TMEM132D: variants seen among roughly 807,000 people sequenced by gnomAD.
TMEM132D encodes transmembrane protein 132D.
A neutral mutation model predicts 62.3 loss-of-function variants in TMEM132D; 21 were observed. That is an observed-to-expected ratio of 0.34 (90% CI 0.24 to 0.49). The LOEUF is 0.49. Among genes scored for constraint, TMEM132D ranks in the 20% least tolerant of loss-of-function variants. TMEM132D has a pLI of 0.99. For synonymous variants in TMEM132D, 621 were observed against 575.6 expected (o/e 1.08, Z -1.13); for missense variants, 1,346 against 1,402.8 (o/e 0.96, Z 0.65).
chr12:129,133,345 A>C (rs1593271834), intron 5 of TMEM132D, among the ~76,000 whole-genome samples: 2 of 152,362 alleles, frequency 1.3e-5, no homozygotes, highest in South Asian at 2.1e-4. Context: ...CTGAGATCAA[A>C]TGTCCATCAG....
intron 2 of TMEM132D, among the ~76,000 whole-genome samples, chr12:129,662,484 T>C (rs1196573921): frequency 6.6e-6 from 1 of 152,160 alleles, no homozygotes; most frequent in African/African-American, 2.4e-5. Context: ...TCATCTGTCC[T>C]AATAATGCAG....
chr12:129,239,976 T>C (rs1879893042), intron 4 of TMEM132D, among the ~76,000 whole-genome samples: 1 of 152,228 alleles, frequency 6.6e-6, no homozygotes, highest in Non-Finnish European at 1.5e-5. Flanking sequence ...AAAAGTGTTC[T>C]TCTCTTTGCA....
intron 1 of TMEM132D, among the ~76,000 whole-genome samples, chr12:129,742,541 A>C (rs1869642646): frequency 6.6e-6 from 1 of 152,242 alleles, no homozygotes; most frequent in Non-Finnish European, 1.5e-5. Context: ...ATGAGATTAA[A>C]GTACACACAT....
chr12:129,192,399 T>C (rs1878429446), intron 5 of TMEM132D, among the ~76,000 whole-genome samples: 1 of 152,226 alleles, frequency 6.6e-6, no homozygotes, highest in South Asian at 2.1e-4. Context: ...CACACACTCA[T>C]TATGTGATAC....
chr12:129,729,105 T>A (rs1203648874), intron 1 of TMEM132D, among the ~76,000 whole-genome samples: 1 of 152,172 alleles, frequency 6.6e-6, no homozygotes, highest in Non-Finnish European at 1.5e-5. Flanking sequence ...ATTGCAAAAA[T>A]CAACAGAATA....
chr12:129,337,573 G>GCGC, intron 4 of TMEM132D, 61 bp downstream of exon 4: 2 of 1,601,058 alleles, frequency 1.2e-6, no homozygotes, highest in Non-Finnish European at 1.7e-6. Flanking sequence ...ACTCAGTGCG[G>GCGC]CGCCGGCGCC....
chr12:129,834,477 A>G (rs1190203041), intron 1 of TMEM132D, among the ~76,000 whole-genome samples: 2 of 143,110 alleles, frequency 1.4e-5, no homozygotes, highest in Non-Finnish European at 3.0e-5. Flanking sequence ...TCTCCCATAC[A>G]GTTTTCCTTC....
chr12:129,516,176 G>A (rs1397361406), intron 3 of TMEM132D, among the ~76,000 whole-genome samples: 1 of 152,122 alleles, frequency 6.6e-6, no homozygotes, highest in Non-Finnish European at 1.5e-5. Context: ...GCATGGACTT[G>A]GACTCAGACC....
chr12:129,075,309 G>C lies in TMEM132D; in HGVS notation c.2116-250C>G, dbSNP rs189070243. Among the ~76,000 whole-genome samples the C allele has an allele frequency of 4.3e-3, 636 of 148,508 alleles. 2 individuals are homozygous for C. The highest frequency in any genetic ancestry group is 0.015 in the African/African-American group (596 of 39,836). On this transcript the variant is annotated intron_variant, in intron 8 of 8. Coordinates refer to ENST00000422113, the MANE Select transcript of TMEM132D (RefSeq NM_133448.3). ...AGGGCCAGTATTAAACAATCCGTAA[G>C]AAGATTTGCTTTTTTTTTTTTTCTC...
chr12:129,747,369 T>A (rs987427534), intron 1 of TMEM132D, among the ~76,000 whole-genome samples: 5 of 151,936 alleles, frequency 3.3e-5, no homozygotes, highest in Non-Finnish European at 7.4e-5. Flanking sequence ...AGTTTCTCAC[T>A]TTTACACATT....
chr12:129,863,906 A>G (rs549650353), intron 1 of TMEM132D, among the ~76,000 whole-genome samples: 1 of 152,202 alleles, frequency 6.6e-6, no homozygotes, highest in Non-Finnish European at 1.5e-5. Flanking sequence ...TCTAACAGCA[A>G]TGATAAGTTT....
intron 3 of TMEM132D, among the ~76,000 whole-genome samples, chr12:129,381,075 C>T (rs988873665): frequency 1.3e-5 from 2 of 152,064 alleles, no homozygotes; most frequent in African/African-American, 4.8e-5. Context: ...AACTTTGATA[C>T]AAATCATTCC....
rs142335888 is a variant in TMEM132D at position 129,454,160 on chromosome 12, A to G, written c.1115+76899T>C. 1.3e-3 allele frequency among the ~76,000 whole-genome samples: 200 copies of G among 152,328 alleles called. 1 individual carries two copies. Among genetic ancestry groups the G allele is most frequent in the African/African-American group, 4.6e-3 (191 of 41,572 alleles). Reference sequence around the variant, plus strand: ...TCCCATTGAACTTTGTTTCCTACCGAGTGCTAAGCAGAGTGCACTGAATAC... The same window carrying G: ...TCCCATTGAACTTTGTTTCCTACCGGGTGCTAAGCAGAGTGCACTGAATAC... On this transcript the variant is annotated intron_variant, in intron 3 of 8. Transcript: ENST00000422113.
At chr12:129,579,626 G>A (rs1426340721) in intron 2 of TMEM132D, among the ~76,000 whole-genome samples, 3 of 152,168 alleles carry the variant, frequency 2.0e-5, no homozygotes, top group African/African-American at 2.4e-5. Flanking sequence ...CATCCAACAC[G>A]GGAGAAAGAT....
chr12:129,902,667 G>A (rs1383240908), intron 1 of TMEM132D, among the ~76,000 whole-genome samples: 1 of 152,152 alleles, frequency 6.6e-6, no homozygotes, highest in Non-Finnish European at 1.5e-5. Flanking sequence ...AGCACCCTAC[G>A]GAAGGGTGAG....
At chr12:129,849,950 T>C (rs1022187818) in intron 1 of TMEM132D, among the ~76,000 whole-genome samples, 4 of 152,156 alleles carry the variant, frequency 2.6e-5, no homozygotes, top group Admixed American at 6.6e-5. Context: ...GTCAAATGGA[T>C]GGGGATATTT....
intron 4 of TMEM132D, among the ~76,000 whole-genome samples, chr12:129,299,632 T>TC (rs1013018858): frequency 6.6e-6 from 1 of 151,000 alleles, no homozygotes; most frequent in Non-Finnish European, 1.5e-5. Context: ...AATCAGGTTT[T>TC]TTTTTTTTTT....
intron 5 of TMEM132D, among the ~76,000 whole-genome samples, chr12:129,122,412 C>G (rs1254839212): frequency 6.6e-6 from 1 of 152,230 alleles, no homozygotes. Flanking sequence ...ACGCTTACAA[C>G]CTGGTACTAC....
At chr12:129,090,285 C>A (rs911039194) in intron 5 of TMEM132D, among the ~76,000 whole-genome samples, 3 of 152,102 alleles carry the variant, frequency 2.0e-5, no homozygotes, top group Non-Finnish European at 2.9e-5. Flanking sequence ...GCTTCAGGGG[C>A]CAGGGTGTCT....
Sources: allele counts gnomAD v4.1 joint callset (sites outside exome capture counted in the v4.1 genomes callset), GRCh38; gene constraint gnomAD v4.1.1; transcripts MANE v1.5; gene names NCBI Gene and HGNC (gene_info 2026-07-23, HGNC 2026-07-21).